Variants in GPR107 observed in about 807,000 individuals in gnomAD.
GPR107 encodes protein GPR107.
Under a neutral mutation model 75.5 loss-of-function variants are expected in GPR107, and 31 were observed. The observed-to-expected ratio is 0.41, with a 90% CI of 0.31 to 0.55. GPR107 has a LOEUF of 0.55. Among genes scored for constraint, GPR107 ranks in the 20% least tolerant of loss-of-function variants. GPR107 has a pLI of 0.26. For synonymous variants in GPR107, 267 were observed against 251.3 expected, an observed-to-expected ratio of 1.06 and a Z score of -0.59; for missense variants, 572 against 665.7, an observed-to-expected ratio of 0.86 and a Z score of 1.55.
At chr9:130,075,028 C>T (rs1047933611) in intron 1 of GPR107, among the ~76,000 whole-genome samples, 2 of 151,546 alleles carry the variant, frequency 1.3e-5, no homozygotes, top group Admixed American at 6.6e-5. Flanking sequence ...TGAGTTTGCC[C>T]CTAGAACCCA....
chr9:130,071,663 AT>A (rs954416148), intron 1 of GPR107, among the ~76,000 whole-genome samples: 13 of 151,840 alleles, frequency 8.6e-5, no homozygotes, highest in Non-Finnish European at 2.9e-5. Context: ...TATTATCATT[AT>A]TATTATTATT....
chr9:130,080,504 T>TTTATTTATTTA (rs1299563583), intron 5 of GPR107, among the ~76,000 whole-genome samples: 1 of 151,604 alleles, frequency 6.6e-6, no homozygotes, highest in Non-Finnish European at 1.5e-5. Context: ...TATTTATTTA[T>TTTATTTATTTA]TTTTTGAGAC....
At chr9:130,100,785 C>T in intron 11 of GPR107, 83 bp downstream of exon 11, 4 of 957,214 alleles carry the variant, frequency 4.2e-6, no homozygotes, top group Non-Finnish European at 6.8e-6. Flanking sequence ...CCCAAGTTAA[C>T]CAGCCCTGCC....
chr9:130,100,672 G>A lies in GPR107; in HGVS notation c.983G>A (p.Gly328Asp). 1 of 1,613,166 alleles carries A rather than the reference G, an allele frequency of 6.2e-7. No individual in the cohort carries two copies. The highest frequency in any genetic ancestry group is 1.1e-5 in the South Asian group (1 of 91,062). Residue 328 changes from glycine (G) to aspartate (D), a missense_variant, in exon 11 of 18, where the codon GGC becomes GAC. By Grantham distance (94) the Gly-to-Asp change is moderately conservative. Transcript: ENST00000347136. ...TCCTCCCAGGGCTTCCCTATCGAAG[G>A]CTGGGCTGTTGTGTACTACATAACT... is the stretch of plus-strand genomic sequence containing the variant. Reference protein sequence around the residue: ...YISSQGFPIEGWAVVYYITHL... With the variant: ...YISSQGFPIEDWAVVYYITHL...
intron 10 of GPR107, 92 bp from the exon 11 acceptor site, chr9:130,100,537 T>TG: frequency 1.1e-6 from 1 of 934,804 alleles, no homozygotes; most frequent in South Asian, 1.3e-5. Context: ...GACAATGATT[T>TG]GGATAATTTC....
At chr9:130,075,028 C>G (rs1047933611) in intron 1 of GPR107, among the ~76,000 whole-genome samples, 1 of 151,546 alleles carries the variant, frequency 6.6e-6, no homozygotes, top group African/African-American at 2.4e-5. Context: ...TGAGTTTGCC[C>G]CTAGAACCCA....
intron 14 of GPR107, among the ~76,000 whole-genome samples, chr9:130,121,898 C>CTTT (rs33915679): frequency 1.3e-5 from 2 of 151,098 alleles, no homozygotes. Flanking sequence ...ATTTTATTTT[C>CTTT]TTTTTTTTTT....
At chr9:130,069,159 A>G (rs1282820171) in intron 1 of GPR107, among the ~76,000 whole-genome samples, 1 of 152,184 alleles carries the variant, frequency 6.6e-6, no homozygotes, top group Non-Finnish European at 1.5e-5. Context: ...ATTTTATGCA[A>G]GTTTTAACTC....
At chr9:130,124,433 A>G (rs968186687) in intron 14 of GPR107, among the ~76,000 whole-genome samples, 5 of 152,198 alleles carry the variant, frequency 3.3e-5, no homozygotes, top group Admixed American at 6.5e-5. Context: ...TGAAATTTGC[A>G]AAATGCATCT....
Position 130,077,499 on chromosome 9 carries a change from T to G in GPR107, c.386+121T>G. The G allele has an allele frequency of 7.5e-6, 5 of 662,856 alleles. No homozygotes were observed. In the South Asian group the frequency reaches 8.5e-5, roughly 11 times the overall value. The allele number at this position is 662,856 out of a possible 1,614,324, so 41.1% of individuals were successfully genotyped here. On this transcript the variant is annotated intron_variant, in intron 4 of 17. Transcript: ENST00000347136. ...AGAGACCGTGCTGAGTGCTGGAGAT[T>G]CAAGACAAGGCTAGGGAGACAGAGG...
In GPR107 at chr9:130,103,444, CA is replaced by C. The variant is rs1745915000; in HGVS notation, c.1132-972del. Among the ~76,000 whole-genome samples, 1 of 152,082 alleles carries C rather than the reference CA, an allele frequency of 6.6e-6. No homozygotes were observed. Among genetic ancestry groups the C allele is most frequent in the Non-Finnish European group, 1.5e-5 (1 of 68,032 alleles). ...TGCATCCATTCCCAGTGGTAATCTT[CA>C]AAAGGATGTATTATAAGTGGTAAAT... On this transcript the variant is annotated intron_variant, in intron 12 of 17. Coordinates refer to ENST00000347136, the MANE Select transcript of GPR107 (RefSeq NM_020960.5). This position sits in a 1 kb window ranked among gnomAD's most constrained non-coding sequence, Gnocchi z 4.3.
intron 4 of GPR107, 145 bp from the exon 5 acceptor site, chr9:130,079,485 G>A: frequency 3.6e-6 from 2 of 559,988 alleles, no homozygotes; most frequent in Non-Finnish European, 5.8e-6. Flanking sequence ...CCTCAGTTTT[G>A]GTATCTGTAG....
At chr9:130,063,786 A>AT (rs1829991437) in intron 1 of GPR107, among the ~76,000 whole-genome samples, 1 of 140,070 alleles carries the variant, frequency 7.1e-6, no homozygotes, top group Admixed American at 7.1e-5. Context: ...TACTGTATAG[A>AT]TTTTTTTCTT....
chr9:130,114,745 C>A, intron 14 of GPR107: 1 of 990,830 alleles, frequency 1.0e-6, no homozygotes, highest in South Asian at 3.4e-5. Flanking sequence ...AACTTGGGGT[C>A]TTTAGGAATT....
chr9:130,100,575 T>C (rs1831000350), intron 10 of GPR107, 54 bp from the exon 11 acceptor site: 2 of 1,242,272 alleles, frequency 1.6e-6, no homozygotes, highest in Non-Finnish European at 2.4e-6. Context: ...AAAAGATTCT[T>C]TGTGGAGCCA....
intron 9 of GPR107, among the ~76,000 whole-genome samples, chr9:130,093,595 G>A (rs1214130032): frequency 6.6e-6 from 1 of 152,096 alleles, no homozygotes; most frequent in Non-Finnish European, 1.5e-5. Context: ...GTGATATCCT[G>A]TACACCCACC....
intron 1 of GPR107, among the ~76,000 whole-genome samples, chr9:130,059,275 G>A (rs1257375382): frequency 6.6e-6 from 1 of 152,166 alleles, no homozygotes; most frequent in Admixed American, 6.5e-5. Context: ...ATCACCTGAG[G>A]TCAGGAGTTC....
intron 10 of GPR107, 128 bp from the exon 11 acceptor site, chr9:130,100,501 T>C (rs1405263546): frequency 2.8e-6 from 2 of 724,390 alleles, no homozygotes; most frequent in Non-Finnish European, 4.9e-6. Flanking sequence ...AAGGCAATAA[T>C]ATATCCAGTG....
chr9:130,104,578 C>A, intron 13 of GPR107, 28 bp downstream of exon 13: 1 of 1,602,618 alleles, frequency 6.2e-7, no homozygotes, highest in Non-Finnish European at 8.5e-7. Flanking sequence ...AGGGAGGCCA[C>A]ATGACAGCTT....
Sources: gnomAD v4.1 joint callset for allele counts (sites outside exome capture counted in the v4.1 genomes callset) on GRCh38, gnomAD v4.1.1 for gene constraint, Gnocchi (gnomAD v3.1) non-coding constraint, MANE v1.5 for transcripts, NCBI Gene and HGNC (gene_info 2026-07-23, HGNC 2026-07-21) for gene names.